The following CFAP161 variants were observed in gnomAD, a reference collection of about 807,000 sequenced individuals.
The protein encoded by CFAP161 is cilia- and flagella-associated protein 161.
CFAP161 carries 25 observed loss-of-function variants against 29.0 expected under a neutral mutation model. The ratio of observed to expected loss-of-function variants is 0.86; its 90% CI spans 0.63 to 1.20. The LOEUF is 1.20. Among genes scored for constraint, CFAP161 ranks in the 50% most tolerant of loss-of-function variants. The pLI is 0.00. For missense variants in CFAP161, 367 were observed against 371.9 expected, an observed-to-expected ratio of 0.99 and a Z score of 0.11; for synonymous variants, 116 against 137.4, an observed-to-expected ratio of 0.84 and a Z score of 1.09.
At position 81,134,377 on chromosome 15, in the gene CFAP161, TGAGGATGTCTACCTG is replaced by T; in HGVS notation, c.54_68del (p.Asp18_Glu22del). On this transcript the variant is annotated inframe_deletion, in exon 1 of 7. Coordinates refer to ENST00000286732, the MANE Select transcript of CFAP161 (RefSeq NM_173528.4). ...CGGGAGTCCGGATAGGCAACTGGAA[TGAGGATGTCTACCTG>T]GAGGAGGTACGCAGGGTGTGGCCAG... 1 of 1,589,476 alleles carries T rather than the reference TGAGGATGTCTACCTG, an allele frequency of 6.3e-7. No homozygotes were observed. The highest frequency in any genetic ancestry group is 8.6e-7 in the Non-Finnish European group (1 of 1,168,996).
At position 81,105,742 on chromosome 15, in the gene CFAP161, G is replaced by T. The variant is rs548994879; in HGVS notation, c.-141-21848G>T. Among the ~76,000 whole-genome samples, 4 of 152,334 alleles carry T rather than the reference G, an allele frequency of 2.6e-5. No individual in the cohort carries two copies. The South Asian group carries it at 8.3e-4, about 32-fold the overall frequency. The stretch of plus-strand genomic sequence containing the variant: ...GACAGGCATTTGAAGGCTGACGCAG[G>T]CAGAAGATTATTAAGTCCACGTGAT... On this transcript the variant is annotated intron_variant, in intron 1 of 4. Transcript: ENST00000560091.
At chr15:81,133,844 GT>G, upstream of CFAP161, among the ~76,000 whole-genome samples, 1 of 152,004 alleles carries the variant, frequency 6.6e-6, no homozygotes, top group African/African-American at 2.4e-5. Flanking sequence ...TGCGATTTTG[GT>G]TTCCAAATGT....
At chr15:81,118,237 C>G in intron 1 of CFAP161, 2 of 500,594 alleles carry the variant, frequency 4.0e-6, no homozygotes, top group Non-Finnish European at 7.5e-6. Flanking sequence ...TGAAATCAAA[C>G]CTACATTTAT....
upstream of CFAP161, among the ~76,000 whole-genome samples, chr15:81,133,688 G>A (rs567769270): frequency 2.0e-5 from 3 of 152,268 alleles, no homozygotes; most frequent in African/African-American, 7.2e-5. Context: ...CAGGGAAGGA[G>A]GGAGCAAGGG....
intron 1 of CFAP161, among the ~76,000 whole-genome samples, chr15:81,100,012 G>C (rs181762090): frequency 4.0e-5 from 6 of 151,854 alleles, no homozygotes; most frequent in Non-Finnish European, 7.4e-5. Context: ...GAGTATTAAA[G>C]TACATAAGAT....
In CFAP161 at chr15:81,138,063, T is replaced by A; in HGVS notation, c.405T>A (p.Asp135Glu). 1 of 1,609,202 alleles carries A rather than the reference T, an allele frequency of 6.2e-7. No individual in the cohort carries two copies. The highest frequency in any genetic ancestry group is 8.5e-7 in the Non-Finnish European group (1 of 1,175,490). Residue 135 changes from aspartate (D) to glutamate (E), a missense_variant, in exon 4 of 7, where the codon GAT (aspartate) becomes GAA (glutamate). Physicochemically the swap from Asp to Glu is conservative, Grantham distance 45. Coordinates refer to ENST00000286732, the MANE Select transcript of CFAP161 (RefSeq NM_173528.4). ...NTFIILSVHR[D>E]ATGQVLRYGQ... ...TGTCCACTGACAGTGTACACAGAGA[T>A]GCCACTGGTCAAGTCCTTAGATATG...
At chr15:81,139,270 C>G (rs922538038) in intron 4 of CFAP161, among the ~76,000 whole-genome samples, 17 of 151,806 alleles carry the variant, frequency 1.1e-4, no homozygotes, top group African/African-American at 4.1e-4. Flanking sequence ...GTACTCCAGC[C>G]TGGGTGACAG....
chr15:81,137,946 CA>C, intron 3 of CFAP161, 104 bp from the exon 4 acceptor site: 1 of 788,710 alleles, frequency 1.3e-6, no homozygotes, highest in Non-Finnish European at 2.1e-6. Context: ...TATAAATTAT[CA>C]AAAAACTGAT....
intron 5 of CFAP161, among the ~76,000 whole-genome samples, chr15:81,144,996 T>A (rs1442157424): frequency 6.6e-6 from 1 of 151,850 alleles, no homozygotes; most frequent in East Asian, 1.9e-4. Flanking sequence ...GGGCACAGAG[T>A]AGGCCTCCCT....
chr15:81,125,315 G>A (rs1208042830), intron 1 of CFAP161, among the ~76,000 whole-genome samples: 1 of 152,064 alleles, frequency 6.6e-6, no homozygotes, highest in Admixed American at 6.6e-5. Context: ...ATATATGAAT[G>A]TGTTGCTGGT....
chr15:81,138,593 G>C (rs903966953), intron 4 of CFAP161, among the ~76,000 whole-genome samples: 1 of 152,126 alleles, frequency 6.6e-6, no homozygotes, highest in Non-Finnish European at 1.5e-5. Flanking sequence ...CATAAATCAG[G>C]GAGCCTTGGG....
At chr15:81,147,221 G>T (rs1304731853) in intron 5 of CFAP161, among the ~76,000 whole-genome samples, 1 of 151,858 alleles carries the variant, frequency 6.6e-6, no homozygotes, top group African/African-American at 2.4e-5. Context: ...TCAAAAGAAC[G>T]CAACTGCTTG....
chr15:81,105,155 CCCTCCCTT>C (rs1894351574), intron 1 of CFAP161, among the ~76,000 whole-genome samples: 1 of 26,204 alleles, frequency 3.8e-5, no homozygotes, highest in African/African-American at 1.2e-4. Flanking sequence ...CTCCCTCCCT[CCCTCCCTT>C]CCTTCCTCCC....
Position 81,128,314 on chromosome 15 carries a change from T to C in CFAP161, c.-7+590T>C, listed in dbSNP as rs1384579262. 2.0e-5 allele frequency among the ~76,000 whole-genome samples: 3 copies of C among 152,344 alleles called. No homozygotes were observed. In the East Asian group the frequency reaches 5.8e-4, roughly 29 times the overall value. ...ACCCATGGTAGAACTTCTTCTGAAATTGGAGTCAATCCTCTCAAACCCTGC... is the reference window on the plus strand; with the variant it reads ...ACCCATGGTAGAACTTCTTCTGAAACTGGAGTCAATCCTCTCAAACCCTGC... On this transcript the variant is annotated intron_variant, in intron 2 of 4. Coordinates refer to the CFAP161 transcript ENST00000560091.
chr15:81,146,880 A>ATT, intron 5 of CFAP161, among the ~76,000 whole-genome samples: 1 of 107,092 alleles, frequency 9.3e-6, no homozygotes, highest in Non-Finnish European at 1.9e-5. Flanking sequence ...ATATATATAT[A>ATT]TATTTAAAAA....
intron 1 of CFAP161, among the ~76,000 whole-genome samples, chr15:81,124,007 C>T (rs1894608436): frequency 6.6e-6 from 1 of 152,082 alleles, no homozygotes; most frequent in South Asian, 2.1e-4. Context: ...GACTTTCTTT[C>T]TTCCTATTTG....
intron 1 of CFAP161, among the ~76,000 whole-genome samples, chr15:81,118,794 A>C (rs578007359): frequency 3.3e-5 from 5 of 152,386 alleles, no homozygotes; most frequent in Non-Finnish European, 7.3e-5. Context: ...TATATAAATA[A>C]AAATACTCAC....
At chr15:81,106,820 C>G (rs542760600) in intron 1 of CFAP161, among the ~76,000 whole-genome samples, 1 of 152,134 alleles carries the variant, frequency 6.6e-6, no homozygotes, top group East Asian at 1.9e-4. Context: ...AATCCCAGGA[C>G]TTTGGGAGGC....
At chr15:81,105,118 C>CTCCCT (rs1255453981) in intron 1 of CFAP161, among the ~76,000 whole-genome samples, 1,276 of 50,646 alleles carry the variant, frequency 0.025, 184 homozygotes, top group African/African-American at 0.097. Flanking sequence ...TCCTTTCTCC[C>CTCCCT]CCATACCTTT....
Sources: gnomAD v4.1 joint callset for allele counts (sites outside exome capture counted in the v4.1 genomes callset) on GRCh38, gnomAD v4.1.1 for gene constraint, MANE v1.5 for transcripts, NCBI Gene and HGNC (gene_info 2026-07-23, HGNC 2026-07-21) for gene names.